ZAN: variants seen among roughly 807,000 people sequenced by gnomAD.
ZAN encodes the protein zonadhesin (gene/pseudogene).
In ZAN, 260 loss-of-function variants were observed where a neutral mutation model predicts 286.2. That is an observed-to-expected ratio of 0.91 (90% CI 0.82 to 1.01). The LOEUF is 1.01. Ranked by LOEUF, ZAN falls within the 50% of genes least tolerant of loss-of-function variation. ZAN has a pLI of 0.00. For synonymous variants in ZAN, 1,368 were observed against 1,417.5 expected (o/e 0.97, Z 0.79); for missense variants, 3,410 against 3,639.2 (o/e 0.94, Z 1.62).
rs71555302 is a variant in ZAN, at chr7:100,773,857, G to T, written c.5771G>T (p.Arg1924Leu). ...GCCCTGGATGGGCTGCTCCATTGTC[G>T]GGCCTCAGGTAGGAGGACCACGGTG... ...CWALDGLLHCRASGVGVCQLP... is the reference protein window; with the variant it reads ...CWALDGLLHCLASGVGVCQLP... Residue 1924 changes from arginine (R) to leucine (L), a missense_variant, in exon 31 of 48, where the codon CGG (arginine) becomes CTG (leucine). Arg to Leu is a moderately radical substitution (Grantham distance 102). Transcript: ENST00000613979. 1.9e-6 allele frequency: 3 copies of T among 1,604,910 alleles called. No homozygotes were observed. Among genetic ancestry groups the T allele is most frequent in the East Asian group, 2.2e-5 (1 of 44,596 alleles).
chr7:100,790,585 T>TA (rs1029462132), intron 39 of ZAN, among the ~76,000 whole-genome samples: 4 of 121,574 alleles, frequency 3.3e-5, no homozygotes, highest in Non-Finnish European at 6.8e-5. Context: ...AAAAGTTAAT[T>TA]AAAAAAAAGA....
intron 28 of ZAN, 128 bp downstream of exon 28, chr7:100,770,102 A>G (rs1810274128): frequency 3.6e-6 from 3 of 841,214 alleles, no homozygotes; most frequent in Admixed American, 5.0e-5. Context: ...GCAAATGGGA[A>G]CACAGGGCCA....
intron 38 of ZAN, 90 bp downstream of exon 38, chr7:100,788,226 G>A (rs1811704763): frequency 7.1e-7 from 1 of 1,406,562 alleles, no homozygotes; most frequent in Non-Finnish European, 9.3e-7. Context: ...CCTGTTCCCT[G>A]GGATGTTTGT....
chr7:100,792,454 G>A lies in ZAN; in HGVS notation c.7762G>A (p.Glu2588Lys), dbSNP rs1812043140. The change falls in exon 42 of 48, where the codon GAG (glutamate) becomes AAG (lysine). Residue 2588 changes from glutamate (E) to lysine (K), a missense_variant. Physicochemically the swap from Glu to Lys is moderately conservative, Grantham distance 56. This residue lies in a region of ZAN where 1,289 missense variants were observed against 1,314.3 expected (regional missense o/e 0.98). Coordinates refer to ENST00000613979, the MANE Select transcript of ZAN (RefSeq NM_003386.3). The stretch of plus-strand genomic sequence containing the variant: ...TGCTCAGGACCCAAGAGAGCAAGAG[G>A]AGCTGCGTTGCCAGGTCCTCAGTGG... ...CSAQDPREQE[E>K]LRCQVLSGHG... is the part of the protein sequence containing the mutation. 1.2e-6 allele frequency: 2 copies of A among 1,613,872 alleles called. No individual in the cohort carries two copies. Among genetic ancestry groups the A allele is most frequent in the Admixed American group, 1.7e-5 (1 of 60,012 alleles).
At chr7:100,765,118 C>T (rs1809862761) in intron 22 of ZAN, among the ~76,000 whole-genome samples, 1 of 152,192 alleles carries the variant, frequency 6.6e-6, no homozygotes, top group Non-Finnish European at 1.5e-5. Context: ...GTGGTGGGTC[C>T]ATCTGCTCCC....
intron 22 of ZAN, 74 bp from the exon 23 acceptor site, chr7:100,765,266 GGCCCTTCCGAAC>G: frequency 3.5e-6 from 5 of 1,421,458 alleles, no homozygotes; most frequent in Non-Finnish European, 4.8e-6. Flanking sequence ...CTGGAGCTGG[GGCCCTTCCGAAC>G]GTGTCCTTCC....
rs946188231 is a variant in ZAN at position 100,753,125 on chromosome 7, C to G, written c.3020C>G (p.Pro1007Arg). Residue 1007 changes from proline to arginine, a missense_variant, in exon 14 of 48, where the codon CCC (proline) becomes CGC (arginine). Around this residue, in one of 7 missense-constraint regions of ZAN, gnomAD observed 1,042 missense variants for 1,058.0 expected, o/e 0.98. Coordinates refer to ENST00000613979, the MANE Select transcript of ZAN (RefSeq NM_003386.3). ...GCCCTGAGGCCACCCCATCCCAGCCCCACAGCCACTGGGCTGGCAGCCTTG... is the reference window on the plus strand; with the variant it reads ...GCCCTGAGGCCACCCCATCCCAGCCGCACAGCCACTGGGCTGGCAGCCTTG... ...LTALRPPHPS[P>R]TATGLAALVM... is the part of the protein sequence containing the mutation. The G allele has an allele frequency of 3.1e-6, 5 of 1,613,990 alleles. No individual in the cohort carries two copies. The highest frequency in any genetic ancestry group is 4.2e-6 in the Non-Finnish European group (5 of 1,179,900).
intron 11 of ZAN, among the ~76,000 whole-genome samples, chr7:100,749,707 TATATACACACACACAC>T (rs1808506598): frequency 7.5e-6 from 1 of 134,162 alleles, no homozygotes; most frequent in Non-Finnish European, 1.6e-5. Flanking sequence ...CACACATATA[TATATACACACACACAC>T]ATATATATAT....
intron 36 of ZAN, among the ~76,000 whole-genome samples, chr7:100,785,599 T>C (rs1811508815): frequency 1.3e-5 from 2 of 152,002 alleles, no homozygotes. Flanking sequence ...TTAAGCCATT[T>C]AGATGGTGGG....
intron 11 of ZAN, among the ~76,000 whole-genome samples, chr7:100,750,055 A>AAAC (rs1808536901): frequency 9.1e-6 from 1 of 110,072 alleles, no homozygotes; most frequent in Non-Finnish European, 1.8e-5. Context: ...CATCTCAAAA[A>AAAC]AACAACACAC....
Position 100,751,840 on chromosome 7 carries a change from G to A in ZAN, c.1735G>A (p.Val579Ile), listed in dbSNP as rs764403101. ...KPTVSIEKPS[V>I]TTEKPTVPKE... ...TACAGTTTCCATAGAAAAACCCAGT[G>A]TCACCACAGAAAAGCCCACAGTCCC... The change falls in exon 14 of 48, where the codon GTC (valine) becomes ATC (isoleucine). Residue 579 changes from valine to isoleucine, a missense_variant. By Grantham distance (29) the Val-to-Ile change is conservative. Transcript: ENST00000613979. The A allele has an allele frequency of 3.7e-5, 59 of 1,611,448 alleles. No homozygotes were observed. Among genetic ancestry groups the A allele is most frequent in the Non-Finnish European group, 4.6e-5 (54 of 1,179,024 alleles).
At chr7:100,765,282 T>C in intron 22 of ZAN, 70 bp from the exon 23 acceptor site, 1 of 1,533,814 alleles carries the variant, frequency 6.5e-7, no homozygotes, top group South Asian at 1.2e-5. Context: ...TCCGAACGTG[T>C]CCTTCCTGTT....
rs370815959 is a variant in ZAN, at chr7:100,787,996, G to A, written c.7087G>A (p.Val2363Ile). 1.2e-5 allele frequency: 19 copies of A among 1,563,754 alleles called. No homozygotes were observed. Among genetic ancestry groups the A allele is most frequent in the South Asian group, 2.3e-5 (2 of 85,470 alleles). The part of the protein sequence containing the change: ...MTYVLIKTVD[V>I]LPEGVEPLLV... Reference sequence around the variant, plus strand: ...CTATGTTCTGATCAAGACTGTGGACGTACTGCCTGAGGGGGTGGAGCCCCT... The same window carrying A: ...CTATGTTCTGATCAAGACTGTGGACATACTGCCTGAGGGGGTGGAGCCCCT... Residue 2363 changes from valine to isoleucine, a missense_variant, in exon 38 of 48, where the codon GTA (valine) becomes ATA (isoleucine). Coordinates refer to ENST00000613979, the MANE Select transcript of ZAN (RefSeq NM_003386.3).
chr7:100,759,894 C>A, intron 18 of ZAN, 49 bp downstream of exon 18: 2 of 1,580,660 alleles, frequency 1.3e-6, no homozygotes, highest in Non-Finnish European at 1.7e-6. Flanking sequence ...GACTGTGTGT[C>A]CTGGCCAACC....
rs1024615996 is a variant in ZAN at position 100,779,476 on chromosome 7, G to C, written c.6348G>C (p.Gln2116His). Residue 2116 changes from glutamine (Q) to histidine (H), a missense_variant, in exon 35 of 48, where the codon CAG (glutamine) becomes CAC (histidine). Physicochemically the swap from Gln to His is conservative, Grantham distance 24. Around this residue, in one of 7 missense-constraint regions of ZAN, gnomAD observed 1,289 missense variants for 1,314.3 expected, o/e 0.98. Transcript: ENST00000613979. ...SCQSLLVDEQ[Q>H]IPAEQQENPS... ...AGAGTCTCCTGGTAGATGAGCAGCA[G>C]ATTCCAGCGGAACAGCAGGAGAACC... is the stretch of plus-strand genomic sequence containing the variant. 6.2e-7 allele frequency: 1 copy of C among 1,610,166 alleles called. No homozygotes were observed. The highest frequency in any genetic ancestry group is 8.5e-7 in the Non-Finnish European group (1 of 1,178,140).
Position 100,792,440 on chromosome 7 carries a change from C to T in ZAN, c.7748C>T (p.Pro2583Leu). The T allele has an allele frequency of 6.2e-7, 1 of 1,613,794 alleles. No homozygotes were observed. The highest frequency in any genetic ancestry group is 8.5e-7 in the Non-Finnish European group (1 of 1,179,846). ...CVLDLCSAQDPREQEELRCQV... is the reference protein window; with the variant it reads ...CVLDLCSAQDLREQEELRCQV... ...CTGGATCTGTGCTCTGCTCAGGACCCAAGAGAGCAAGAGGAGCTGCGTTGC... is the reference window on the plus strand; with the variant it reads ...CTGGATCTGTGCTCTGCTCAGGACCTAAGAGAGCAAGAGGAGCTGCGTTGC... The change falls in exon 42 of 48, where the codon CCA becomes CTA. Residue 2583 changes from proline to leucine, a missense_variant. By Grantham distance (98) the Pro-to-Leu change is moderately conservative (BLOSUM62 -3). Around this residue, in one of 7 missense-constraint regions of ZAN, gnomAD observed 1,289 missense variants for 1,314.3 expected, o/e 0.98. Transcript: ENST00000613979.
chr7:100,796,185 T>C (rs1812351059), intron 45 of ZAN, among the ~76,000 whole-genome samples: 1 of 152,138 alleles, frequency 6.6e-6, no homozygotes, highest in Non-Finnish European at 1.5e-5. Flanking sequence ...TCCCCACTCC[T>C]GTGACCTGTA....
rs772870886 is a variant in ZAN at position 100,797,406 on chromosome 7, T to C, written c.8307T>C (p.Pro2769=). 1 of 1,613,768 alleles carries C rather than the reference T, an allele frequency of 6.2e-7. No individual in the cohort carries two copies. The highest frequency in any genetic ancestry group is 1.7e-5 in the Admixed American group (1 of 60,002). The change falls in exon 46 of 48, where the codon CCT becomes CCC. Residue 2769 remains proline (P), a synonymous_variant. Coordinates refer to ENST00000613979, the MANE Select transcript of ZAN (RefSeq NM_003386.3). ...LVGVLLGLLV[P]VVVVLLAVTR... ...GCGTCCTACTGGGACTGCTGGTGCCTGTGGTGGTCGTACTACTGGCCGTGA... is the reference window on the plus strand; with the variant it reads ...GCGTCCTACTGGGACTGCTGGTGCCCGTGGTGGTCGTACTACTGGCCGTGA...
chr7:100,796,179 C>T (rs1038230549), intron 45 of ZAN, among the ~76,000 whole-genome samples: 3 of 152,118 alleles, frequency 2.0e-5, no homozygotes, highest in Non-Finnish European at 1.5e-5. Context: ...CCCAGCTCCC[C>T]ACTCCTGTGA....
Sources: gnomAD v4.1 joint callset for allele counts (sites outside exome capture counted in the v4.1 genomes callset) on GRCh38, gnomAD v4.1.1 for gene constraint, gnomAD v4.1.1 regional missense constraint, MANE v1.5 for transcripts, NCBI Gene and HGNC (gene_info 2026-07-23, HGNC 2026-07-21) for gene names.